EML4: variants seen among roughly 807,000 people sequenced by gnomAD.
EML4 encodes EMAP like 4.
In EML4, 72 loss-of-function variants were observed where a neutral mutation model predicts 129.0. That is an observed-to-expected ratio of 0.56 (90% CI 0.46 to 0.68). EML4 has a LOEUF of 0.68. EML4 is among the 30% of genes least tolerant of loss of function. EML4 has a pLI of 0.00. For synonymous variants in EML4, 532 were observed against 405.0 expected, an observed-to-expected ratio of 1.31 and a Z score of -3.77; for missense variants, 1,363 against 1,190.6, an observed-to-expected ratio of 1.14 and a Z score of -2.13.
chr2:42,278,746 C>T (rs765469803), intron 6 of EML4, among the ~76,000 whole-genome samples: 5 of 151,794 alleles, frequency 3.3e-5, no homozygotes, highest in African/African-American at 4.8e-5. Context: ...TCAGCCTGAC[C>T]AACATGGTGA....
intron 7 of EML4, among the ~76,000 whole-genome samples, chr2:42,281,552 G>A (rs1667011500): frequency 6.6e-6 from 1 of 152,192 alleles, no homozygotes; most frequent in South Asian, 2.1e-4. Flanking sequence ...TGGAAGACTA[G>A]TGTTTGAGTT....
intron 6 of EML4, among the ~76,000 whole-genome samples, chr2:42,276,962 G>C (rs1207552657): frequency 1.3e-5 from 2 of 152,152 alleles, no homozygotes; most frequent in Non-Finnish European, 2.9e-5. Flanking sequence ...ACTACATCAT[G>C]CCTTTGCTTT....
chr2:42,259,779 G>C (rs1665606283), intron 3 of EML4, among the ~76,000 whole-genome samples: 1 of 139,358 alleles, frequency 7.2e-6, no homozygotes, highest in Non-Finnish European at 1.5e-5. Context: ...ACCCAGGCTG[G>C]AGTGCAGTGG....
chr2:42,303,821 AG>A (rs1361309559), intron 16 of EML4, among the ~76,000 whole-genome samples: 1 of 152,168 alleles, frequency 6.6e-6, no homozygotes, highest in Non-Finnish European at 1.5e-5. Context: ...GCTACTCGAG[AG>A]GCTGAGGCAG....
intron 21 of EML4, among the ~76,000 whole-genome samples, chr2:42,327,519 G>T (rs151314293): frequency 6.6e-6 from 1 of 152,118 alleles, no homozygotes; most frequent in Admixed American, 6.5e-5. Context: ...ATTATTTTGC[G>T]TGTGGATGTC....
Position 42,303,362 on chromosome 2 carries a change from T to C in EML4, c.1815T>C (p.Asp605=), listed in dbSNP as rs1302405686. The C allele has an allele frequency of 1.2e-6, 2 of 1,614,002 alleles. No individual in the cohort carries two copies. Among genetic ancestry groups the C allele is most frequent in the East Asian group, 4.5e-5 (2 of 44,902 alleles). ...GTCTTGCCACACATCCCTTCAAAGATTTGCTCTTGACATGTGCTCAGGACA... is the reference window on the plus strand; with the variant it reads ...GTCTTGCCACACATCCCTTCAAAGACTTGCTCTTGACATGTGCTCAGGACA... ...LWGLATHPFK[D]LLLTCAQDRQ... The change falls in exon 16 of 23, where the codon GAT becomes GAC. Residue 605 remains aspartate, a synonymous_variant. Transcript: ENST00000318522.
chr2:42,193,087 A>G (rs911077777), intron 1 of EML4, among the ~76,000 whole-genome samples: 5 of 152,198 alleles, frequency 3.3e-5, no homozygotes, highest in Non-Finnish European at 7.3e-5. Context: ...TATACCACAT[A>G]TGAGGGTATT....
chr2:42,268,095 C>A (rs1666164128), intron 6 of EML4, among the ~76,000 whole-genome samples: 1 of 152,290 alleles, frequency 6.6e-6, no homozygotes, highest in East Asian at 1.9e-4. Flanking sequence ...TTAAGGTCAT[C>A]CTTGAAATAG....
intron 9 of EML4, among the ~76,000 whole-genome samples, chr2:42,285,067 C>CTTAATTAATTAA (rs71408093): frequency 4.7e-5 from 7 of 149,768 alleles, no homozygotes; most frequent in Non-Finnish European, 7.4e-5. Context: ...TATTTACTTT[C>CTTAATTAATTAA]TTAATTAATT....
At chr2:42,318,170 G>C (rs1669338982) in intron 19 of EML4, among the ~76,000 whole-genome samples, 1 of 152,148 alleles carries the variant, frequency 6.6e-6, no homozygotes, top group Non-Finnish European at 1.5e-5. Context: ...TCCAACTCAG[G>C]CCAGGAAGAG....
intron 10 of EML4, among the ~76,000 whole-genome samples, chr2:42,287,719 G>A (rs893302797): frequency 6.6e-6 from 1 of 152,120 alleles, no homozygotes; most frequent in Non-Finnish European, 1.5e-5. Flanking sequence ...ATTTTACTTA[G>A]GTTGTTTATT....
At chr2:42,268,347 C>G (rs983279429) in intron 6 of EML4, among the ~76,000 whole-genome samples, 1 of 152,168 alleles carries the variant, frequency 6.6e-6, no homozygotes, top group Middle Eastern at 3.2e-3. Flanking sequence ...ATATCAAGGA[C>G]TTGAGCATCC....
intron 1 of EML4, among the ~76,000 whole-genome samples, chr2:42,231,273 T>G (rs543738730): frequency 6.6e-6 from 1 of 152,342 alleles, no homozygotes; most frequent in African/African-American, 2.4e-5. Context: ...TTTCTGACAG[T>G]TTTTATTCTG....
intron 1 of EML4, among the ~76,000 whole-genome samples, chr2:42,221,763 C>A (rs1177657551): frequency 6.6e-6 from 1 of 151,920 alleles, no homozygotes; most frequent in African/African-American, 2.4e-5. Context: ...ACTACCACAC[C>A]CAGCTAGTTT....
intron 2 of EML4, among the ~76,000 whole-genome samples, chr2:42,255,190 A>G (rs547937919): frequency 6.6e-6 from 1 of 151,806 alleles, no homozygotes; most frequent in East Asian, 1.9e-4. Context: ...AGTTCCTGCC[A>G]TTCTCCTGCC....
intron 2 of EML4, among the ~76,000 whole-genome samples, chr2:42,246,036 C>T (rs1675382425): frequency 6.6e-6 from 1 of 152,088 alleles, no homozygotes; most frequent in Non-Finnish European, 1.5e-5. Context: ...CTCATGTGTT[C>T]TTAAAATTCT....
In EML4 at chr2:42,326,134, TC is replaced by T. The variant is rs1558615690; in HGVS notation, c.2243-18del. On this transcript the variant is annotated intron_variant, in intron 20 of 22. Coordinates refer to ENST00000318522, the MANE Select transcript of EML4 (RefSeq NM_019063.5). Reference sequence around the variant, plus strand: ...TGTACACAAGCACTATGATTATACTTCCTGTTTCTAAATTTAAAGGGGACAT... The same window carrying T: ...TGTACACAAGCACTATGATTATACTTCTGTTTCTAAATTTAAAGGGGACAT... 1 of 1,611,314 alleles carries T rather than the reference TC, an allele frequency of 6.2e-7. No homozygotes were observed. The highest frequency in any genetic ancestry group is 1.1e-5 in the South Asian group (1 of 90,290).
chr2:42,320,585 T>A (rs188343012), intron 19 of EML4, among the ~76,000 whole-genome samples: 20 of 152,326 alleles, frequency 1.3e-4, no homozygotes, highest in Admixed American at 1.1e-3. Context: ...TGAGCCTGGG[T>A]TGTACCTACG....
At chr2:42,238,049 T>A (rs757881585) in intron 1 of EML4, among the ~76,000 whole-genome samples, 2 of 152,222 alleles carry the variant, frequency 1.3e-5, no homozygotes, top group Non-Finnish European at 2.9e-5. Context: ...TACACTTTAT[T>A]TCATGCACAA....
Sources: allele counts gnomAD v4.1 joint callset (sites outside exome capture counted in the v4.1 genomes callset), GRCh38; gene constraint gnomAD v4.1.1; transcripts MANE v1.5; gene names NCBI Gene and HGNC (gene_info 2026-07-23, HGNC 2026-07-21).